The following PEBP4 variants were observed in gnomAD, a reference collection of about 807,000 sequenced individuals.
PEBP4 encodes phosphatidylethanolamine-binding protein 4.
In PEBP4, 22 loss-of-function variants were observed where a neutral mutation model predicts 23.9. The ratio of observed to expected loss-of-function variants is 0.92; its 90% CI spans 0.66 to 1.31. The LOEUF is 1.31. Among genes scored for constraint, PEBP4 ranks in the 40% most tolerant of loss-of-function variants. The probability of loss-of-function intolerance (pLI) is 0.00; values close to 1 mark genes in which losing one functional copy is unlikely to be tolerated. For missense variants in PEBP4, 324 were observed against 281.7 expected (o/e 1.15, Z -1.07); for synonymous variants, 112 against 99.3 (o/e 1.13, Z -0.76).
intron 4 of PEBP4, among the ~76,000 whole-genome samples, chr8:22,802,524 G>C (rs887142232): frequency 6.6e-6 from 1 of 152,238 alleles, no homozygotes; most frequent in Non-Finnish European, 1.5e-5. Context: ...GCTGAGCTTT[G>C]CAACACTGAC....
At chr8:22,913,169 C>T (rs1808983443) in intron 3 of PEBP4, among the ~76,000 whole-genome samples, 1 of 152,168 alleles carries the variant, frequency 6.6e-6, no homozygotes. Context: ...TGAATTCTTC[C>T]CTAAACCCTC....
At chr8:22,924,661 A>C in intron 2 of PEBP4, 1 of 985,376 alleles carries the variant, frequency 1.0e-6, no homozygotes, top group Non-Finnish European at 1.2e-6. Flanking sequence ...CGCTTTGAGC[A>C]GCAGCTCCCA....
chr8:22,936,912 T>A (rs1809548487), intron 1 of PEBP4, among the ~76,000 whole-genome samples: 1 of 152,216 alleles, frequency 6.6e-6, no homozygotes, highest in Admixed American at 6.5e-5. Flanking sequence ...CACACTTCCA[T>A]GATAAAAACA....
At chr8:22,914,930 T>A (rs984905363) in intron 3 of PEBP4, among the ~76,000 whole-genome samples, 3 of 152,222 alleles carry the variant, frequency 2.0e-5, no homozygotes, top group South Asian at 2.1e-4. Flanking sequence ...TGACACACAT[T>A]GTCCTGGCAT....
At chr8:22,917,867 A>C (rs1043461673) in intron 3 of PEBP4, among the ~76,000 whole-genome samples, 1 of 152,170 alleles carries the variant, frequency 6.6e-6, no homozygotes, top group Non-Finnish European at 1.5e-5. Flanking sequence ...ACACAAACCT[A>C]AGGCTGTTGG....
chr8:22,719,250 C>T (rs1381177286), intron 6 of PEBP4, among the ~76,000 whole-genome samples: 5 of 152,292 alleles, frequency 3.3e-5, no homozygotes, highest in African/African-American at 7.2e-5. Context: ...CTCTCTTGCC[C>T]GTTAGTTTCC....
chr8:22,749,805 C>CTTTTTTTTTTTTTTT lies in PEBP4; in HGVS notation c.358-22600_358-22586dup, dbSNP rs71206545. ...CTCTCCTGATTCTCAGTTTGTCATT[C>CTTTTTTTTTTTTTTT]TTTTTTTTTTTTTTTTTTGAGATGG... On this transcript the variant is annotated intron_variant, in intron 4 of 6. Transcript: ENST00000256404. 1.3e-3 allele frequency among the ~76,000 whole-genome samples: 113 copies of CTTTTTTTTTTTTTTT among 83,738 alleles called. 11 individuals are homozygous for CTTTTTTTTTTTTTTT. The highest frequency in any genetic ancestry group is 8.1e-3 in the South Asian group (18 of 2,212). The allele number at this position is 83,738 out of a possible 152,430, so 54.9% of individuals were successfully genotyped here.
At chr8:22,759,494 G>A (rs1402655316) in intron 4 of PEBP4, among the ~76,000 whole-genome samples, 1 of 152,030 alleles carries the variant, frequency 6.6e-6, no homozygotes, top group Non-Finnish European at 1.5e-5. Context: ...CTCTCAACAA[G>A]CCTCTGCCAC....
chr8:22,739,918 G>T (rs527431346), intron 4 of PEBP4, among the ~76,000 whole-genome samples: 1 of 152,170 alleles, frequency 6.6e-6, no homozygotes, highest in Non-Finnish European at 1.5e-5. Flanking sequence ...AGGGGGAGGG[G>T]GTGCCCAACA....
intron 3 of PEBP4, among the ~76,000 whole-genome samples, chr8:22,890,969 C>G (rs1351670386): frequency 6.6e-5 from 10 of 152,170 alleles, no homozygotes; most frequent in Admixed American, 1.3e-4. Context: ...GCTGAGATTA[C>G]AGGTGTGCAC....
At chr8:22,769,519 C>G (rs1323483128) in intron 4 of PEBP4, among the ~76,000 whole-genome samples, 1 of 152,122 alleles carries the variant, frequency 6.6e-6, no homozygotes, top group Non-Finnish European at 1.5e-5. Context: ...AGTTTCCTTT[C>G]TGAGACCCTT....
chr8:22,852,033 A>G (rs762674183), intron 3 of PEBP4, among the ~76,000 whole-genome samples: 1 of 152,126 alleles, frequency 6.6e-6, no homozygotes, highest in Admixed American at 6.5e-5. Flanking sequence ...TCAGCAGCCA[A>G]GGATTACACA....
intron 4 of PEBP4, among the ~76,000 whole-genome samples, chr8:22,767,983 C>T (rs901002713): frequency 2.6e-5 from 4 of 152,186 alleles, no homozygotes; most frequent in Non-Finnish European, 4.4e-5. Flanking sequence ...GATCCGCCCA[C>T]CCCGGCCTCC....
At chr8:22,937,253 T>TA (rs1452379636) in intron 1 of PEBP4, among the ~76,000 whole-genome samples, 1 of 152,194 alleles carries the variant, frequency 6.6e-6, no homozygotes, top group African/African-American at 2.4e-5. Context: ...AGTTGTAATT[T>TA]ACAAAATCAA....
intron 4 of PEBP4, among the ~76,000 whole-genome samples, chr8:22,762,676 C>T (rs1805532555): frequency 6.6e-6 from 1 of 152,072 alleles, no homozygotes; most frequent in Non-Finnish European, 1.5e-5. Context: ...AATTACTTCT[C>T]CGTAAGTGGC....
chr8:22,862,961 T>G (rs1466445703), intron 3 of PEBP4, among the ~76,000 whole-genome samples: 2 of 151,960 alleles, frequency 1.3e-5, no homozygotes, highest in East Asian at 1.9e-4. Flanking sequence ...CCCCCACGCC[T>G]GGATGATTTT....
At chr8:22,724,013 G>A (rs1487133928) in intron 6 of PEBP4, among the ~76,000 whole-genome samples, 3 of 152,254 alleles carry the variant, frequency 2.0e-5, no homozygotes, top group African/African-American at 7.2e-5. Context: ...CTGCCAGCCT[G>A]GGGGATGTGC....
chr8:22,749,062 T>C (rs1805190286), intron 4 of PEBP4, among the ~76,000 whole-genome samples: 1 of 152,108 alleles, frequency 6.6e-6, no homozygotes, highest in Non-Finnish European at 1.5e-5. Flanking sequence ...GGGTGTGGGA[T>C]GTGGGAACAG....
At chr8:22,896,449 G>A (rs71515806) in intron 3 of PEBP4, among the ~76,000 whole-genome samples, 20,454 of 152,118 alleles carry the variant, frequency 0.13, 1,694 homozygotes, top group Non-Finnish European at 0.18. Flanking sequence ...TCCCAGTGAT[G>A]GGGTTCCTTC....
Sources: gnomAD v4.1 joint callset for allele counts (sites outside exome capture counted in the v4.1 genomes callset) on GRCh38, gnomAD v4.1.1 for gene constraint, MANE v1.5 for transcripts, NCBI Gene and HGNC (gene_info 2026-07-23, HGNC 2026-07-21) for gene names.